Variants in ABCB9 observed in about 807,000 individuals in gnomAD.
ABCB9 encodes the protein ABC-type oligopeptide transporter ABCB9.
Under a neutral mutation model 62.0 loss-of-function variants are expected in ABCB9, and 36 were observed. The ratio of observed to expected loss-of-function variants is 0.58; its 90% confidence interval spans 0.45 to 0.77. The LOEUF is 0.77. Among genes scored for constraint, ABCB9 ranks in the 30% least tolerant of loss-of-function variants. ABCB9 has a pLI of 0.00. For synonymous variants in ABCB9, 435 were observed against 461.4 expected (o/e 0.94, Z 0.73); for missense variants, 943 against 1,054.7 (o/e 0.89, Z 1.47).
At chr12:122,954,353 C>T (rs573120063) in intron 2 of ABCB9, among the ~76,000 whole-genome samples, 4 of 152,130 alleles carry the variant, frequency 2.6e-5, no homozygotes. Flanking sequence ...GGATTACAGG[C>T]ATGCGCCACC....
At chr12:122,973,585 A>C (rs1161499099) in intron 1 of ABCB9, among the ~76,000 whole-genome samples, 2 of 138,838 alleles carry the variant, frequency 1.4e-5, no homozygotes, top group Non-Finnish European at 3.1e-5. Context: ...AAAGAAAAAA[A>C]AAAAAAAAAA....
upstream of ABCB9, among the ~76,000 whole-genome samples, chr12:122,969,597 T>A (rs1347309383): frequency 6.6e-6 from 1 of 151,836 alleles, no homozygotes; most frequent in African/African-American, 2.4e-5. Flanking sequence ...ATTAGCTGGG[T>A]GTGGTGGCAC....
At chr12:122,971,445 T>C (rs1170135890), upstream of ABCB9, among the ~76,000 whole-genome samples, 1 of 147,826 alleles carries the variant, frequency 6.8e-6, no homozygotes, top group East Asian at 2.0e-4. Context: ...CTATAGAATA[T>C]GTTTATTTAA....
In ABCB9 at chr12:122,944,829, G is replaced by A. The variant is rs2035953606; in HGVS notation, c.1252-310C>T. ...CAGCTTGGCCACCTGGGAACTATTCGTCCTCCTCATGGGGAAGAGCATGAC... is the reference window on the plus strand; with the variant it reads ...CAGCTTGGCCACCTGGGAACTATTCATCCTCCTCATGGGGAAGAGCATGAC... On this transcript the variant is annotated intron_variant, in intron 6 of 11. Transcript: ENST00000280560. The surrounding 1 kb of genome is among the most constrained non-coding windows in gnomAD (Gnocchi z 4.9). The A allele has an allele frequency of 3.6e-6, 1 of 275,282 alleles. No individual in the cohort carries two copies. Among genetic ancestry groups the A allele is most frequent in the South Asian group, 5.0e-5 (1 of 19,978 alleles). The allele number at this position is 275,282 out of a possible 1,614,324, so 17.1% of individuals were successfully genotyped here.
chr12:122,969,032 T>G (rs2037240709), upstream of ABCB9, among the ~76,000 whole-genome samples: 1 of 152,150 alleles, frequency 6.6e-6, no homozygotes, highest in Non-Finnish European at 1.5e-5. Flanking sequence ...AATCTTAGAA[T>G]GAGAGCTTGG....
Position 122,932,851 on chromosome 12 carries a change from CAAAT to C in ABCB9, c.1904-527_1904-524del, listed in dbSNP as rs2035260651. Among the ~76,000 whole-genome samples the C allele has an allele frequency of 6.6e-6, 1 of 152,156 alleles. No individual in the cohort carries two copies. Among genetic ancestry groups the C allele is most frequent in the Non-Finnish European group, 1.5e-5 (1 of 68,034 alleles). On this transcript the variant is annotated intron_variant, in intron 10 of 11. Coordinates refer to ENST00000280560, the MANE Select transcript of ABCB9 (RefSeq NM_019625.4). The surrounding 1 kb of genome is among the most constrained non-coding windows in gnomAD (Gnocchi z 4.7). ...AGCGCTGTTATTGCAAAAAATAAAA[CAAAT>C]AGACTCAAATGTCCATCAATAGGAA...
intron 7 of ABCB9, among the ~76,000 whole-genome samples, chr12:122,942,222 T>C (rs1043104786): frequency 2.0e-5 from 3 of 151,952 alleles, no homozygotes; most frequent in African/African-American, 7.3e-5. Context: ...TCATTGGTGA[T>C]AAGGGGGTGA....
chr12:122,931,065 C>T (rs1477605927), intron 11 of ABCB9, among the ~76,000 whole-genome samples: 1 of 152,124 alleles, frequency 6.6e-6, no homozygotes, highest in African/African-American at 2.4e-5. Context: ...CACTCTGTTG[C>T]CAAGGCTGGA....
In ABCB9 at chr12:122,932,374, G is replaced by C; in HGVS notation, c.1904-46C>G. On this transcript the variant is annotated intron_variant, in intron 10 of 11. Coordinates refer to ENST00000280560, the MANE Select transcript of ABCB9 (RefSeq NM_019625.4). This position sits in a 1 kb window ranked among gnomAD's most constrained non-coding sequence, Gnocchi z 4.7. ...GACAATTTAGCAATGGGTGAGGCCG[G>C]GCAGCACCGGGGAAGAGTGAGAGGC... is the stretch of plus-strand genomic sequence containing the variant. The C allele has an allele frequency of 6.6e-7, 1 of 1,522,084 alleles. No individual in the cohort carries two copies. Among genetic ancestry groups the C allele is most frequent in the Non-Finnish European group, 8.9e-7 (1 of 1,128,692 alleles). 94.3% of individuals were successfully genotyped at this position (1,522,084 alleles called of 1,614,324 possible).
rs2036415605 is a variant in ABCB9, at chr12:122,952,532, G to C, written c.602-1967C>G. On this transcript the variant is annotated intron_variant, in intron 2 of 11. Transcript: ENST00000280560. ...TGAGGTGGCAGCCTAGAGGGCCTGT[G>C]TCCCCACAGTCCTTGGCCAGACGAG... is the stretch of plus-strand genomic sequence containing the variant. 2.0e-5 allele frequency: 3 copies of C among 152,328 alleles called. No individual in the cohort carries two copies. In the South Asian group the frequency reaches 6.2e-4, roughly 32 times the overall value. The allele number at this position is 152,328 out of a possible 1,614,324, so 9.4% of individuals were successfully genotyped here.
Position 122,941,023 on chromosome 12 carries a change from C to T in ABCB9, c.1381-28G>A, listed in dbSNP as rs772086604. Reference sequence around the variant, plus strand: ...GGGGAGAGGAGACACGCGTTCCTGTCCCACCGATACCCGACTCCTGGGACC... The same window carrying T: ...GGGGAGAGGAGACACGCGTTCCTGTTCCACCGATACCCGACTCCTGGGACC... On this transcript the variant is annotated intron_variant, in intron 7 of 11. Transcript: ENST00000280560. The T allele has an allele frequency of 5.8e-6, 9 of 1,549,114 alleles. No individual in the cohort carries two copies. The Admixed American group carries it at 1.5e-4, about 25-fold the overall frequency.
Position 122,930,109 on chromosome 12 carries a change from C to T in ABCB9, c.2103G>A (p.Leu701=), listed in dbSNP as rs1445844129. ...TGAGGTGCGCGTGCTCCACGGTGCT[C>T]AGCCGGTGCGCGATGATGAGTACCG... The part of the protein sequence containing the change: ...KHTVLIIAHR[L]STVEHAHLIV... Residue 701 remains leucine, a synonymous_variant, in exon 12 of 12, where the codon CTG becomes CTA. Coordinates refer to ENST00000280560, the MANE Select transcript of ABCB9 (RefSeq NM_019625.4). The surrounding 1 kb of genome is among the most constrained non-coding windows in gnomAD (Gnocchi z 4.9). 2 of 1,556,442 alleles carry T rather than the reference C, an allele frequency of 1.3e-6. No homozygotes were observed. The highest frequency in any genetic ancestry group is 1.2e-5 in the South Asian group (1 of 84,342).
At chr12:122,924,586 T>TAGGC, downstream of ABCB9, 5 of 1,388,132 alleles carry the variant, frequency 3.6e-6, no homozygotes, top group Non-Finnish European at 4.7e-6. Context: ...GCCACTGTTC[T>TAGGC]AGGCACTGGG....
At chr12:122,941,838 C>A (rs919125361) in intron 7 of ABCB9, among the ~76,000 whole-genome samples, 1 of 152,056 alleles carries the variant, frequency 6.6e-6, no homozygotes, top group Non-Finnish European at 1.5e-5. Flanking sequence ...AATTCTCCAA[C>A]CTCAGACTCC....
intron 2 of ABCB9, among the ~76,000 whole-genome samples, chr12:122,958,795 T>C (rs1414411386): frequency 2.0e-5 from 3 of 152,130 alleles, no homozygotes; most frequent in Admixed American, 2.0e-4. Context: ...TAAGCTGTGA[T>C]CATGCCACTG....
rs560033314 is a variant in ABCB9, at chr12:122,932,281, C to T, written c.1951G>A (p.Val651Met). 4 of 1,551,406 alleles carry T rather than the reference C, an allele frequency of 2.6e-6. 1 individual carries two copies. In the South Asian group the frequency reaches 3.6e-5, roughly 14 times the overall value. Residue 651 changes from valine (V) to methionine (M), a missense_variant, in exon 11 of 12, where the codon GTG becomes ATG. Physicochemically the swap from Val to Met is conservative, Grantham distance 21. Coordinates refer to ENST00000280560, the MANE Select transcript of ABCB9 (RefSeq NM_019625.4). This position sits in a 1 kb window ranked among gnomAD's most constrained non-coding sequence, Gnocchi z 4.7. ...AQLSGGQKQR[V>M]AMARALVRNP... The stretch of plus-strand genomic sequence containing the variant: ...CGCACCAGAGCCCGGGCCATGGCCA[C>T]CCGCTGCTTCTGGCCACCTGACAGC...
At position 122,929,826 on chromosome 12, in the gene ABCB9, G is replaced by C. The variant is rs146019187; in HGVS notation, c.*85C>G. 155 of 1,446,052 alleles carry C rather than the reference G, an allele frequency of 1.1e-4. No individual in the cohort carries two copies. The African/African-American group carries it at 2.1e-3, about 19-fold the overall frequency. The allele number at this position is 1,446,052 out of a possible 1,614,324, so 89.6% of individuals were successfully genotyped here. A position where few individuals can be genotyped will look rare whatever the true frequency, so the allele number is the denominator to read the frequency against. ...CTTTCAGTGCTGCAGGCCTGGGCTCGGAGGGCAGCTGGGGGCCTCCGTGGG... is the reference window on the plus strand; with the variant it reads ...CTTTCAGTGCTGCAGGCCTGGGCTCCGAGGGCAGCTGGGGGCCTCCGTGGG... On this transcript the variant is annotated 3_prime_UTR_variant, in exon 12 of 12. Transcript: ENST00000280560. This position sits in a 1 kb window ranked among gnomAD's most constrained non-coding sequence, Gnocchi z 6.0.
At chr12:122,923,087 G>A (rs1235518194) in intron 11 of ABCB9, among the ~76,000 whole-genome samples, 1 of 151,634 alleles carries the variant, frequency 6.6e-6, no homozygotes, top group African/African-American at 2.4e-5. Flanking sequence ...TGGGACTACA[G>A]TTGTGAGCCA....
At chr12:122,933,450 A>G (rs1029056227) in intron 10 of ABCB9, among the ~76,000 whole-genome samples, 1 of 152,066 alleles carries the variant, frequency 6.6e-6, no homozygotes, top group African/African-American at 2.4e-5. Context: ...GCTACTCGGG[A>G]GGCCGAGGCA....
Sources: gnomAD v4.1 joint callset for allele counts (sites outside exome capture counted in the v4.1 genomes callset) on GRCh38, gnomAD v4.1.1 for gene constraint, Gnocchi (gnomAD v3.1) non-coding constraint, MANE v1.5 for transcripts, NCBI Gene and HGNC (gene_info 2026-07-23, HGNC 2026-07-21) for gene names.